The following RALY variants were observed in gnomAD, a reference collection of about 807,000 sequenced individuals.
RALY encodes RALY heterogeneous nuclear ribonucleoprotein.
In RALY, 15 loss-of-function variants were observed where a neutral mutation model predicts 30.7. The observed-to-expected ratio is 0.49, with a 90% CI of 0.33 to 0.75. The LOEUF (loss-of-function observed/expected upper bound fraction) is 0.75. Ranked by LOEUF, RALY falls within the 30% of genes least tolerant of loss-of-function variation. RALY has a pLI of 0.02. For missense variants in RALY, 339 were observed against 414.3 expected (o/e 0.82, Z 1.58); for synonymous variants, 177 against 170.8 (o/e 1.04, Z -0.28).
At position 34,080,337 on chromosome 20, in the gene RALY, AG is replaced by A. The variant is rs1280606190; in HGVS notation, c.*435del. 6.6e-6 allele frequency: 1 copy of A among 152,244 alleles called. No homozygotes were observed. The highest frequency in any genetic ancestry group is 2.4e-5 in the African/African-American group (1 of 41,448). 9.4% of individuals were successfully genotyped at this position (152,244 alleles called of 1,614,324 possible). ...CCTCTGCCAACCAAAAAGCTGGTCT[AG>A]GGTGCCTAATACTGATCCATCTGGA... On this transcript the variant is annotated 3_prime_UTR_variant, in exon 10 of 10. Coordinates refer to ENST00000246194, the MANE Select transcript of RALY (RefSeq NM_016732.3).
At position 34,078,548 on chromosome 20, in the gene RALY, A is replaced by G. The variant is rs772145203; in HGVS notation, c.920A>G (p.Ter307=). The change falls in exon 9 of 10, where the codon TAA becomes TGA. Residue 307 remains the stop codon, a stop_retained_variant. Transcript: ENST00000246194. Reference sequence around the variant, plus strand: ...GACGCGGATGATGGGGCCTTGCAGTAAGCAGGTACAGGGGTCCTGTCCTGA... The same window carrying G: ...GACGCGGATGATGGGGCCTTGCAGTGAGCAGGTACAGGGGTCCTGTCCTGA... ...DTDADDGALQ[*] is the part of the protein sequence containing the mutation. 3 of 1,583,762 alleles carry G rather than the reference A, an allele frequency of 1.9e-6. No individual in the cohort carries two copies. In the South Asian group the frequency reaches 3.5e-5, roughly 18 times the overall value.
intron 1 of RALY, among the ~76,000 whole-genome samples, chr20:33,994,767 C>G (rs923133702): frequency 2.6e-5 from 4 of 152,130 alleles, no homozygotes; most frequent in Non-Finnish European, 5.9e-5. Flanking sequence ...GAAGGAAACT[C>G]GCTTTGCGGG....
chr20:34,002,305 T>G (rs1227138629), intron 1 of RALY, among the ~76,000 whole-genome samples: 1 of 152,200 alleles, frequency 6.6e-6, no homozygotes, highest in Non-Finnish European at 1.5e-5. Context: ...AGTTACTTAG[T>G]TGCCGTGGCA....
rs534518067 is a variant in RALY, at chr20:34,080,028, G to C, written c.*123G>C. ...TACCAGAGGAAAGCTGGCAGCAGGC[G>C]CCTCCTCCCCCAACGCATCCCAGCC... is the stretch of plus-strand genomic sequence containing the variant. On this transcript the variant is annotated 3_prime_UTR_variant, in exon 10 of 10. Transcript: ENST00000246194. 6.6e-6 allele frequency: 1 copy of C among 152,524 alleles called. No individual in the cohort carries two copies. The highest frequency in any genetic ancestry group is 1.9e-4 in the East Asian group (1 of 5,188). The allele number at this position is 152,524 out of a possible 1,614,324, so 9.4% of individuals were successfully genotyped here.
At chr20:34,012,065 CAAAAAA>C (rs142466996) in intron 1 of RALY, among the ~76,000 whole-genome samples, 2 of 116,598 alleles carry the variant, frequency 1.7e-5, no homozygotes, top group African/African-American at 5.5e-5. Flanking sequence ...GACCCTGTCT[CAAAAAA>C]AAAAAAAAAG....
At chr20:34,024,621 C>T (rs1182475540) in intron 1 of RALY, among the ~76,000 whole-genome samples, 3 of 152,142 alleles carry the variant, frequency 2.0e-5, no homozygotes, top group East Asian at 1.9e-4. Context: ...CCCCTAATGT[C>T]ACCTGTCATT....
chr20:34,067,027 G>A (rs2033593183), intron 2 of RALY, among the ~76,000 whole-genome samples: 1 of 152,116 alleles, frequency 6.6e-6, no homozygotes, highest in African/African-American at 2.4e-5. Flanking sequence ...CCCTGCAGGT[G>A]CCTGTTTTTG....
chr20:34,030,796 CCTTAAACATA>C (rs989563542), intron 1 of RALY, among the ~76,000 whole-genome samples: 6 of 152,140 alleles, frequency 3.9e-5, no homozygotes, highest in African/African-American at 7.2e-5. Flanking sequence ...TCTTCTTGTT[CCTTAAACATA>C]CCAAGGCCTC....
At chr20:34,075,136 G>T (rs1037095579) in intron 5 of RALY, among the ~76,000 whole-genome samples, 8 of 152,072 alleles carry the variant, frequency 5.3e-5, no homozygotes, top group South Asian at 2.1e-4. Flanking sequence ...CCCTGGGGGG[G>T]TCTGATTGAG....
In RALY at chr20:34,078,696, A is replaced by C. The variant is rs140529766; in HGVS notation, c.*4+143A>C. ...TATACCCAAGAATGAAGTCCCCTCC[A>C]TATCTAGCCATCCCGTCACACCCCT... On this transcript the variant is annotated intron_variant, in intron 9 of 9. Coordinates refer to ENST00000246194, the MANE Select transcript of RALY (RefSeq NM_016732.3). 1.4e-4 allele frequency: 98 copies of C among 705,620 alleles called. No individual in the cohort carries two copies. In the African/African-American group the frequency reaches 1.7e-3, roughly 12 times the overall value. 43.7% of individuals were successfully genotyped at this position (705,620 alleles called of 1,614,324 possible).
At chr20:34,069,658 G>T (rs1224430340) in intron 2 of RALY, among the ~76,000 whole-genome samples, 1 of 152,232 alleles carries the variant, frequency 6.6e-6, no homozygotes, top group East Asian at 1.9e-4. Context: ...TGTAGGAGAG[G>T]GACTGTCAGC....
chr20:34,050,553 G>A (rs1005884579), intron 2 of RALY, among the ~76,000 whole-genome samples: 1 of 152,208 alleles, frequency 6.6e-6, no homozygotes, highest in African/African-American at 2.4e-5. Flanking sequence ...GTTGAAGGAT[G>A]AATTGAGAGC....
At chr20:34,057,926 G>A (rs1339755648) in intron 2 of RALY, among the ~76,000 whole-genome samples, 1 of 152,184 alleles carries the variant, frequency 6.6e-6, no homozygotes, top group Non-Finnish European at 1.5e-5. Flanking sequence ...CAGCTAGTAA[G>A]TGGCTGATCC....
intron 1 of RALY, among the ~76,000 whole-genome samples, chr20:34,012,023 G>A (rs986187762): frequency 2.0e-5 from 3 of 150,744 alleles, no homozygotes; most frequent in South Asian, 2.1e-4. Flanking sequence ...CCGAGCTTGC[G>A]CCACTGCACT....
At chr20:34,008,231 C>CT (rs914599247) in intron 1 of RALY, among the ~76,000 whole-genome samples, 4 of 152,100 alleles carry the variant, frequency 2.6e-5, no homozygotes, top group Middle Eastern at 3.4e-3. Flanking sequence ...GGCAGCTACT[C>CT]TTTTTTTTCT....
intron 2 of RALY, among the ~76,000 whole-genome samples, chr20:34,069,849 C>A (rs531098454): frequency 7.9e-4 from 120 of 152,302 alleles, no homozygotes; most frequent in African/African-American, 2.8e-3. Flanking sequence ...AAAGCTGGCA[C>A]CAGCCCCTTC....
intron 1 of RALY, among the ~76,000 whole-genome samples, chr20:34,001,630 A>G (rs1209725246): frequency 6.6e-6 from 1 of 152,190 alleles, no homozygotes. Context: ...CTATTTGTCT[A>G]GTTTCCTTTG....
intron 1 of RALY, among the ~76,000 whole-genome samples, chr20:34,017,202 T>C (rs1296613234): frequency 8.1e-6 from 1 of 124,016 alleles, no homozygotes; most frequent in East Asian, 2.5e-4. Context: ...GAATACCTAC[T>C]AAGTGTTAAA....
intron 1 of RALY, among the ~76,000 whole-genome samples, chr20:33,997,197 C>T (rs2122957187): frequency 6.6e-6 from 1 of 152,290 alleles, no homozygotes; most frequent in East Asian, 1.9e-4. Context: ...CTCCCTGCAA[C>T]CTCAACCTCC....
Sources: gnomAD v4.1 joint callset for allele counts (sites outside exome capture counted in the v4.1 genomes callset) on GRCh38, gnomAD v4.1.1 for gene constraint, MANE v1.5 for transcripts, NCBI Gene and HGNC (gene_info 2026-07-23, HGNC 2026-07-21) for gene names.